SNURF: variants seen among roughly 807,000 people sequenced by gnomAD.
The protein encoded by SNURF is SNURF protein.
SNURF carries 6 observed loss-of-function variants against 11.6 expected under a neutral mutation model. That is an observed-to-expected ratio of 0.52 (90% CI 0.28 to 1.02). SNURF has a LOEUF of 1.02. Ranked by LOEUF, SNURF falls within the 50% of genes least tolerant of loss-of-function variation. The probability of loss-of-function intolerance (pLI) is 0.09; values close to 1 mark genes in which losing one functional copy is unlikely to be tolerated. For missense variants in SNURF, 84 were observed against 88.4 expected (o/e 0.95, Z 0.20); for synonymous variants, 29 against 31.6 (o/e 0.92, Z 0.27).
downstream of SNURF, among the ~76,000 whole-genome samples, chr15:24,972,996 T>C (rs1021998820): frequency 6.6e-6 from 1 of 152,164 alleles, no homozygotes; most frequent in Admixed American, 6.5e-5. Flanking sequence ...CAAGCGATTC[T>C]CCTGCCTCAG....
intron 1 of SNURF, among the ~76,000 whole-genome samples, chr15:24,957,093 T>A (rs2063058592): frequency 6.6e-6 from 1 of 152,236 alleles, no homozygotes; most frequent in Non-Finnish European, 1.5e-5. Flanking sequence ...CCCTTTTTTT[T>A]AACTCCCTGT....
At chr15:24,965,147 T>C (rs905851604) in intron 2 of SNURF, among the ~76,000 whole-genome samples, 1 of 152,190 alleles carries the variant, frequency 6.6e-6, no homozygotes, top group African/African-American at 2.4e-5. Flanking sequence ...CTAGAAGTGT[T>C]CAATATTTAC....
chr15:24,964,191 A>AT (rs1392354666), intron 2 of SNURF, among the ~76,000 whole-genome samples: 1 of 152,022 alleles, frequency 6.6e-6, no homozygotes, highest in Non-Finnish European at 1.5e-5. Flanking sequence ...TGGAAGACGT[A>AT]TTTTATGTAC....
chr15:24,968,168 T>G, exon 3 of SNURF: 1 of 822,478 alleles, frequency 1.2e-6, no homozygotes, highest in Non-Finnish European at 2.0e-6. Context: ...AGTGACACAT[T>G]AATTTTTTTC....
At chr15:24,960,591 G>C (rs1395858389) in intron 1 of SNURF, among the ~76,000 whole-genome samples, 1 of 152,120 alleles carries the variant, frequency 6.6e-6, no homozygotes, top group Non-Finnish European at 1.5e-5. Context: ...ATGAACCATT[G>C]CGCCCTGCCT....
At chr15:24,971,734 G>A (rs74939309), downstream of SNURF, among the ~76,000 whole-genome samples, 1,206 of 152,130 alleles carry the variant, frequency 7.9e-3, 8 homozygotes, top group African/African-American at 0.027. Context: ...TGGCATAAAT[G>A]GGTTAAAAAC....
chr15:24,956,670 A>G (rs184110624), intron 1 of SNURF, among the ~76,000 whole-genome samples: 1 of 152,174 alleles, frequency 6.6e-6, no homozygotes, highest in Admixed American at 6.5e-5. Context: ...CTGATACAGC[A>G]GCTGTTCCTT....
At chr15:24,961,623 TAAAG>T (rs1406673256) in intron 1 of SNURF, among the ~76,000 whole-genome samples, 9 of 152,130 alleles carry the variant, frequency 5.9e-5, no homozygotes, top group Non-Finnish European at 1.3e-4. Context: ...TTGCAAATCC[TAAAG>T]AAAGCACCAT....
intron 1 of SNURF, among the ~76,000 whole-genome samples, chr15:24,959,304 T>C (rs891905785): frequency 3.9e-5 from 6 of 152,156 alleles, no homozygotes; most frequent in East Asian, 3.8e-4. Context: ...CAAAATCTTA[T>C]AGATGACATT....
downstream of SNURF, among the ~76,000 whole-genome samples, chr15:24,970,756 A>C (rs2076296973): frequency 6.6e-6 from 1 of 152,322 alleles, no homozygotes; most frequent in East Asian, 1.9e-4. Context: ...GCTGATGGCC[A>C]CTAAAAATTA....
At chr15:24,977,949 A>T, downstream of SNURF, 1 of 1,523,126 alleles carries the variant, frequency 6.6e-7, no homozygotes, top group Non-Finnish European at 8.8e-7. Flanking sequence ...GACGAACTTG[A>T]ATCTCTGATG....
intron 1 of SNURF, among the ~76,000 whole-genome samples, chr15:24,956,306 T>C (rs1034297793): frequency 5.5e-5 from 8 of 144,588 alleles, no homozygotes; most frequent in African/African-American, 2.0e-4. Flanking sequence ...TGCAGCTCCT[T>C]CAAGATGGCC....
rs185975702 is a variant in SNURF at position 24,973,990 on chromosome 15, C to G, written c.*46-1368C>G. On this transcript the variant is annotated intron_variant and NMD_transcript_variant, in intron 3 of 6. Coordinates refer to the SNURF transcript ENST00000580062. Reference sequence around the variant, plus strand: ...ATACAGAGATGACTTCATATTAATTCTGAACTAGAGAGAGAGACACTACCT... The same window carrying G: ...ATACAGAGATGACTTCATATTAATTGTGAACTAGAGAGAGAGACACTACCT... Among the ~76,000 whole-genome samples, 39 of 152,212 alleles carry G rather than the reference C, an allele frequency of 2.6e-4. 1 individual carries two copies. The highest frequency in any genetic ancestry group is 7.5e-4 in the African/African-American group (31 of 41,544).
At chr15:24,977,647 A>C in intron 6 of SNURF, 2 of 898,114 alleles carry the variant, frequency 2.2e-6, no homozygotes, top group Non-Finnish European at 3.2e-6. Flanking sequence ...AAAAAAAAAC[A>C]TGGGAATAAT....
chr15:24,965,396 G>GT (rs780148548), intron 2 of SNURF, among the ~76,000 whole-genome samples: 11 of 152,132 alleles, frequency 7.2e-5, no homozygotes, highest in African/African-American at 1.9e-4. Flanking sequence ...AATCAGCCGG[G>GT]TGTGGTAGTG....
chr15:24,975,054 C>T (rs144502360), intron 3 of SNURF: 124 of 690,440 alleles, frequency 1.8e-4, no homozygotes, highest in African/African-American at 1.5e-3. Context: ...GAACACCCTA[C>T]ATCATTGTGG....
chr15:24,958,485 A>AGTTTTTT (rs2074199122), intron 1 of SNURF, among the ~76,000 whole-genome samples: 1 of 69,890 alleles, frequency 1.4e-5, no homozygotes, highest in Non-Finnish European at 3.0e-5. Context: ...GCTGGCTCAA[A>AGTTTTTT]GTTTTTTTTT....
chr15:24,968,392 T>C, exon 3 of SNURF: 2 of 189,092 alleles, frequency 1.1e-5, no homozygotes, highest in Non-Finnish European at 2.2e-5. Context: ...GTTTATAATT[T>C]CCTTTTGTGG....
chr15:24,968,969 C>G (rs2076048062), downstream of SNURF: 1 of 151,500 alleles, frequency 6.6e-6, no homozygotes. Flanking sequence ...AGAATGCCCT[C>G]ATTTCTGAGA....
Sources: gnomAD v4.1 joint callset for allele counts (sites outside exome capture counted in the v4.1 genomes callset) on GRCh38, gnomAD v4.1.1 for gene constraint, MANE v1.5 for transcripts, NCBI Gene and HGNC (gene_info 2026-07-23, HGNC 2026-07-21) for gene names.